The following EFNA5 variants were observed in gnomAD, a reference collection of about 807,000 sequenced individuals.
EFNA5 encodes ephrin A5, also known as ephrin-A5.
In EFNA5, 5 loss-of-function variants were observed where a neutral mutation model predicts 22.9. The observed-to-expected ratio is 0.22, with a 90% CI of 0.11 to 0.46. The LOEUF is 0.46. Ranked by LOEUF, EFNA5 falls within the 20% of genes least tolerant of loss-of-function variation. EFNA5 has a pLI of 0.99. For missense variants in EFNA5, 237 were observed against 293.3 expected (o/e 0.81, Z 1.40); for synonymous variants, 113 against 112.2 (o/e 1.01, Z -0.04).
chr5:107,570,849 C>T (rs566123274), intron 1 of EFNA5, among the ~76,000 whole-genome samples: 8 of 152,222 alleles, frequency 5.3e-5, no homozygotes, highest in Admixed American at 2.6e-4. Flanking sequence ...CCTGAAATAC[C>T]ACCAAGTTAC....
chr5:107,428,872 AC>A (rs774068118), intron 1 of EFNA5, among the ~76,000 whole-genome samples: 6 of 152,248 alleles, frequency 3.9e-5, no homozygotes, highest in Non-Finnish European at 8.8e-5. Context: ...GCCTGGAATT[AC>A]AAAAAACAAA....
At chr5:107,523,396 C>T (rs1201342171) in intron 1 of EFNA5, among the ~76,000 whole-genome samples, 1 of 152,068 alleles carries the variant, frequency 6.6e-6, no homozygotes, top group Non-Finnish European at 1.5e-5. Context: ...TGTCCCACTG[C>T]TTTGCAAGCA....
intron 1 of EFNA5, among the ~76,000 whole-genome samples, chr5:107,550,709 A>G (rs1016004450): frequency 3.3e-5 from 5 of 152,200 alleles, no homozygotes; most frequent in Non-Finnish European, 5.9e-5. Flanking sequence ...TTTGGCCACC[A>G]TCATAATAGA....
intron 1 of EFNA5, among the ~76,000 whole-genome samples, chr5:107,661,240 T>C (rs1460635876): frequency 6.6e-6 from 1 of 152,128 alleles, no homozygotes; most frequent in Admixed American, 6.5e-5. Flanking sequence ...CCCAACATGT[T>C]GAATAAAATT....
At chr5:107,652,913 T>G (rs941121312) in intron 1 of EFNA5, among the ~76,000 whole-genome samples, 1 of 152,076 alleles carries the variant, frequency 6.6e-6, no homozygotes, top group Non-Finnish European at 1.5e-5. Flanking sequence ...ATAGTTTAAA[T>G]TTTTCATATA....
At position 107,446,707 on chromosome 5, in the gene EFNA5, T is replaced by TG. The variant is rs754922015; in HGVS notation, c.126-19199_126-19198insC. Among the ~76,000 whole-genome samples, 306 of 152,042 alleles carry TG rather than the reference T, an allele frequency of 2.0e-3. 3 individuals carry two copies. The highest frequency in any genetic ancestry group is 0.017 in the South Asian group (81 of 4,812). On this transcript the variant is annotated intron_variant, in intron 1 of 4. Transcript: ENST00000333274. ...AGGCAGAGGTTGCAGTGAGCCAAGATCACGCCACTGCACTCCAGCCTGGGT... is the reference window on the plus strand; with the variant it reads ...AGGCAGAGGTTGCAGTGAGCCAAGATGCACGCCACTGCACTCCAGCCTGGGT...
At chr5:107,637,677 C>T (rs1272197321) in intron 1 of EFNA5, among the ~76,000 whole-genome samples, 2 of 147,418 alleles carry the variant, frequency 1.4e-5, no homozygotes, top group Admixed American at 6.8e-5. Context: ...TATATATATA[C>T]TATATATAAT....
intron 1 of EFNA5, among the ~76,000 whole-genome samples, chr5:107,581,575 G>C (rs139465955): frequency 4.0e-4 from 61 of 152,312 alleles, no homozygotes; most frequent in African/African-American, 1.3e-3. Flanking sequence ...AGTGCTGCTA[G>C]AGCCTTCACC....
chr5:107,471,682 G>A (rs1307986534), intron 1 of EFNA5, among the ~76,000 whole-genome samples: 1 of 152,168 alleles, frequency 6.6e-6, no homozygotes, highest in Non-Finnish European at 1.5e-5. Flanking sequence ...TAAATTATGG[G>A]TAGGGCAAGG....
chr5:107,387,000 C>T (rs565264960), intron 4 of EFNA5, among the ~76,000 whole-genome samples: 7 of 152,256 alleles, frequency 4.6e-5, no homozygotes, highest in Admixed American at 4.6e-4. Flanking sequence ...TATTAGGATA[C>T]TGCATTAGCT....
intron 2 of EFNA5, among the ~76,000 whole-genome samples, chr5:107,395,873 C>T (rs1394753032): frequency 3.3e-5 from 5 of 152,196 alleles, no homozygotes; most frequent in Non-Finnish European, 5.9e-5. Flanking sequence ...AAAACTCCAA[C>T]AAAAGGCAGA....
At chr5:107,483,852 T>C (rs1750548527) in intron 1 of EFNA5, among the ~76,000 whole-genome samples, 1 of 152,196 alleles carries the variant, frequency 6.6e-6, no homozygotes, top group African/African-American at 2.4e-5. Flanking sequence ...TTATTATTCA[T>C]CTGGTGGGTG....
intron 1 of EFNA5, among the ~76,000 whole-genome samples, chr5:107,449,882 G>T (rs943709084): frequency 6.6e-6 from 1 of 152,182 alleles, no homozygotes; most frequent in African/African-American, 2.4e-5. Context: ...GAAAATTTAA[G>T]ATTTTGTCCA....
intron 1 of EFNA5, among the ~76,000 whole-genome samples, chr5:107,433,492 A>G (rs1749023108): frequency 6.6e-6 from 1 of 152,252 alleles, no homozygotes; most frequent in Admixed American, 6.5e-5. Flanking sequence ...AGCTGGGATT[A>G]GAGCTGAAAA....
chr5:107,399,845 G>A lies in EFNA5; in HGVS notation c.419-12074C>T, dbSNP rs747413300. ...ATTAAAAAATGCCACCTGTGAATGTGGTACTTTAATACTTTTAAACTGTGG... is the reference window on the plus strand; with the variant it reads ...ATTAAAAAATGCCACCTGTGAATGTAGTACTTTAATACTTTTAAACTGTGG... On this transcript the variant is annotated intron_variant, in intron 2 of 4. Coordinates refer to ENST00000333274, the MANE Select transcript of EFNA5 (RefSeq NM_001962.3). 4.9e-4 allele frequency among the ~76,000 whole-genome samples: 74 copies of A among 152,222 alleles called. 1 individual carries two copies. Among genetic ancestry groups the A allele is most frequent in the Middle Eastern group, 3.4e-3 (1 of 292 alleles).
intron 1 of EFNA5, among the ~76,000 whole-genome samples, chr5:107,621,182 G>T (rs561501962): frequency 1.2e-3 from 186 of 152,324 alleles, no homozygotes; most frequent in African/African-American, 4.2e-3. Context: ...CCTGGCAGAA[G>T]ATAACTTTAG....
intron 1 of EFNA5, among the ~76,000 whole-genome samples, chr5:107,473,232 C>G (rs153690): frequency 0.47 from 71,138 of 150,672 alleles, 17,277 homozygotes; most frequent in South Asian, 0.56. Context: ...CTCTAAAAAG[C>G]CACATCATTC....
intron 1 of EFNA5, among the ~76,000 whole-genome samples, chr5:107,576,641 T>A (rs1413648137): frequency 6.6e-6 from 1 of 152,204 alleles, no homozygotes; most frequent in African/African-American, 2.4e-5. Context: ...CCACTGCTTA[T>A]CCAGCATGTT....
intron 1 of EFNA5, among the ~76,000 whole-genome samples, chr5:107,487,889 C>G (rs1024297061): frequency 2.0e-5 from 3 of 152,202 alleles, no homozygotes; most frequent in Non-Finnish European, 2.9e-5. Context: ...ACTCCCTATG[C>G]GATGAGGCTG....
Sources: gnomAD v4.1 joint callset for allele counts (sites outside exome capture counted in the v4.1 genomes callset) on GRCh38, gnomAD v4.1.1 for gene constraint, MANE v1.5 for transcripts, NCBI Gene and HGNC (gene_info 2026-07-23, HGNC 2026-07-21) for gene names.